The following NPAS1 variants were observed in gnomAD, a reference collection of about 807,000 sequenced individuals.
NPAS1 encodes the protein neuronal PAS domain protein 1, also known as neuronal PAS domain-containing protein 1.
A neutral mutation model predicts 49.2 loss-of-function variants in NPAS1; 29 were observed. That is an observed-to-expected ratio of 0.59 (90% CI 0.44 to 0.80). NPAS1 has a LOEUF of 0.80. Among genes scored for constraint, NPAS1 ranks in the 30% least tolerant of loss-of-function variants. NPAS1 has a pLI of 0.00. For missense variants in NPAS1, 825 were observed against 835.5 expected (o/e 0.99, Z 0.15); for synonymous variants, 408 against 380.4 (o/e 1.07, Z -0.84).
At chr19:47,044,466 C>T (rs2057054153) in intron 11 of NPAS1, among the ~76,000 whole-genome samples, 1 of 152,248 alleles carries the variant, frequency 6.6e-6, no homozygotes, top group African/African-American at 2.4e-5. Flanking sequence ...CCAGTGGCTG[C>T]TTCGTGGGAC....
chr19:47,026,722 A>C (rs1190533086), intron 3 of NPAS1, among the ~76,000 whole-genome samples: 1 of 152,166 alleles, frequency 6.6e-6, no homozygotes, highest in Non-Finnish European at 1.5e-5. Context: ...TGTGAGGCCG[A>C]GGCAGGTGGA....
At chr19:47,025,767 G>A (rs1241038799) in intron 3 of NPAS1, among the ~76,000 whole-genome samples, 1 of 151,566 alleles carries the variant, frequency 6.6e-6, no homozygotes, top group African/African-American at 2.4e-5. Flanking sequence ...AAGAGACGAG[G>A]TCTCACCATG....
At chr19:47,038,089 G>A (rs898743380) in intron 6 of NPAS1, among the ~76,000 whole-genome samples, 5 of 152,212 alleles carry the variant, frequency 3.3e-5, no homozygotes, top group African/African-American at 9.6e-5. Flanking sequence ...GGGTCAGGGA[G>A]GGCTTCTTGG....
chr19:47,029,833 A>G (rs2056894847), intron 3 of NPAS1, among the ~76,000 whole-genome samples: 1 of 152,202 alleles, frequency 6.6e-6, no homozygotes, highest in African/African-American at 2.4e-5. Flanking sequence ...GATTACATAG[A>G]TTACATACAC....
At chr19:47,045,061 CAAACAAAA>C in intron 11 of NPAS1, 122 bp from the exon 12 acceptor site, 1 of 887,354 alleles carries the variant, frequency 1.1e-6, no homozygotes, top group Non-Finnish European at 1.7e-6. Flanking sequence ...ACAAAACAAA[CAAACAAAA>C]AAAAAAACCC....
In NPAS1 at chr19:47,045,542, A is replaced by G. The variant is rs748739875; in HGVS notation, c.1664A>G (p.His555Arg). The change falls in exon 12 of 12, where the codon CAC becomes CGC. Residue 555 changes from histidine (H) to arginine (R), a missense_variant. By Grantham distance (29) the His-to-Arg change is conservative. Coordinates refer to ENST00000602212, the MANE Select transcript of NPAS1 (RefSeq NM_002517.4). ...GCGGAGCTGGGCCTGGTGTACCCGCACCTGCAGAGGCTGGGTCCGGGCCCC... is the reference window on the plus strand; with the variant it reads ...GCGGAGCTGGGCCTGGTGTACCCGCGCCTGCAGAGGCTGGGTCCGGGCCCC... ...GPAELGLVYP[H>R]LQRLGPGPAL... is the part of the protein sequence containing the mutation. The G allele has an allele frequency of 2.7e-5, 41 of 1,526,432 alleles. No individual in the cohort carries two copies. The highest frequency in any genetic ancestry group is 3.5e-5 in the Non-Finnish European group (40 of 1,143,818). 94.6% of individuals were successfully genotyped at this position (1,526,432 alleles called of 1,614,324 possible).
chr19:47,033,401 T>C (rs574902273), intron 5 of NPAS1, among the ~76,000 whole-genome samples: 1 of 152,086 alleles, frequency 6.6e-6, no homozygotes, highest in East Asian at 1.9e-4. Flanking sequence ...CCACCACGCC[T>C]AGCTAACTTT....
chr19:47,042,957 T>G, intron 11 of NPAS1, 53 bp downstream of exon 11: 1 of 1,361,070 alleles, frequency 7.3e-7, no homozygotes, highest in Non-Finnish European at 9.8e-7. Flanking sequence ...AACCTTTGGG[T>G]CCTGGCTGTC....
chr19:47,041,506 G>A (rs1251270685), intron 10 of NPAS1, among the ~76,000 whole-genome samples: 1 of 152,116 alleles, frequency 6.6e-6, no homozygotes, highest in East Asian at 1.9e-4. Flanking sequence ...GGTGTTCCAA[G>A]CAGAGGAAGG....
chr19:47,032,436 T>G, intron 4 of NPAS1, 85 bp downstream of exon 4: 4 of 1,430,626 alleles, frequency 2.8e-6, no homozygotes, highest in Non-Finnish European at 3.9e-6. Flanking sequence ...TCAGCATCCA[T>G]CTATTGTGGG....
intron 5 of NPAS1, among the ~76,000 whole-genome samples, chr19:47,032,941 T>C (rs1020015852): frequency 5.3e-5 from 8 of 152,150 alleles, no homozygotes; most frequent in African/African-American, 1.9e-4. Flanking sequence ...TTTTTGTTTG[T>C]TTGTTTGTTT....
intron 6 of NPAS1, among the ~76,000 whole-genome samples, chr19:47,037,717 C>G (rs2122520002): frequency 6.6e-6 from 1 of 152,284 alleles, no homozygotes; most frequent in South Asian, 2.1e-4. Context: ...TCTGAGACAT[C>G]AGCTGTGCTT....
Position 47,039,027 on chromosome 19 carries a change from C to G in NPAS1, c.689-9C>G. The G allele has an allele frequency of 1.2e-6, 2 of 1,613,174 alleles. No homozygotes were observed. The highest frequency in any genetic ancestry group is 4.5e-5 in the East Asian group (2 of 44,884). ...GGACCCCATAACCTTCCTTCACTCT[C>G]TGTCCCAGAGGCCAGCCTCACCAAG... On this transcript the variant is annotated splice_polypyrimidine_tract_variant and intron_variant, in intron 6 of 11. Coordinates refer to ENST00000602212, the MANE Select transcript of NPAS1 (RefSeq NM_002517.4).
intron 3 of NPAS1, among the ~76,000 whole-genome samples, chr19:47,024,809 CTTT>C (rs774304674): frequency 2.2e-5 from 3 of 133,578 alleles, no homozygotes; most frequent in African/African-American, 2.8e-5. Flanking sequence ...TTCCCTATTG[CTTT>C]TTTTTTTTTT....
intron 9 of NPAS1, 188 bp from the exon 10 acceptor site, chr19:47,040,790 G>C (rs1403927759): frequency 1.6e-6 from 1 of 619,124 alleles, no homozygotes; most frequent in Non-Finnish European, 2.8e-6. Flanking sequence ...AAGAGGCCTC[G>C]CTGCTGGGCT....
intron 11 of NPAS1, among the ~76,000 whole-genome samples, chr19:47,043,386 G>T (rs1197346628): frequency 1.3e-5 from 2 of 151,736 alleles, no homozygotes; most frequent in Admixed American, 1.3e-4. Flanking sequence ...TCAGGAGATG[G>T]AGACCATCCT....
intron 3 of NPAS1, among the ~76,000 whole-genome samples, 158 bp from the exon 4 acceptor site, chr19:47,032,120 G>C (rs1340723331): frequency 6.6e-6 from 1 of 152,104 alleles, no homozygotes; most frequent in African/African-American, 2.4e-5. Context: ...CCACCTGTGT[G>C]TCCCACGCCC....
chr19:47,021,742 G>A lies in NPAS1; in HGVS notation c.253G>A (p.Ala85Thr), dbSNP rs2056843178. ...PGAISSQLDK[A>T]SIVRLSVTYL... ...CGCCATCTCCAGCCAGCTGGACAAG[G>A]CTTCCATCGTGCGCCTCAGCGTCAC... The change falls in exon 3 of 12, where the codon GCT becomes ACT. Residue 85 changes from alanine (A) to threonine (T), a missense_variant. By Grantham distance (58) the Ala-to-Thr change is moderately conservative. Coordinates refer to ENST00000602212, the MANE Select transcript of NPAS1 (RefSeq NM_002517.4). The surrounding 1 kb of genome is among the most constrained non-coding windows in gnomAD (Gnocchi z 5.7). The A allele has an allele frequency of 6.5e-7, 1 of 1,546,424 alleles. No homozygotes were observed. The highest frequency in any genetic ancestry group is 1.9e-5 in the Admixed American group (1 of 51,306).
chr19:47,036,383 A>G (rs2056956200), intron 6 of NPAS1, among the ~76,000 whole-genome samples: 1 of 152,218 alleles, frequency 6.6e-6, no homozygotes, highest in African/African-American at 2.4e-5. Flanking sequence ...GCTTAGGTAA[A>G]TAACAAGGCA....
Sources: allele counts gnomAD v4.1 joint callset (sites outside exome capture counted in the v4.1 genomes callset), GRCh38; gene constraint gnomAD v4.1.1; non-coding constraint Gnocchi (gnomAD v3.1); transcripts MANE v1.5; gene names NCBI Gene and HGNC (gene_info 2026-07-23, HGNC 2026-07-21).